The following ALPK3 variants were observed in gnomAD, a reference collection of about 807,000 sequenced individuals.
The protein encoded by ALPK3 is alpha-protein kinase 3.
ALPK3 carries 102 observed loss-of-function variants against 140.0 expected under a neutral mutation model. The observed-to-expected ratio is 0.73, with a 90% CI of 0.62 to 0.86. The LOEUF is 0.86. ALPK3 is among the 40% of genes least tolerant of loss of function. The probability of loss-of-function intolerance (pLI) is 0.00; values close to 1 mark genes in which losing one functional copy is unlikely to be tolerated. For synonymous variants in ALPK3, 938 were observed against 898.5 expected (o/e 1.04, Z -0.79); for missense variants, 2,254 against 2,208.2 (o/e 1.02, Z -0.42).
At position 84,858,393 on chromosome 15, in the gene ALPK3, A is replaced by G. The variant is rs759415341; in HGVS notation, c.3655A>G (p.Arg1219Gly). Reference protein sequence around the residue: ...GRERRSPTQGRKASMLEVPRA... With the variant: ...GRERRSPTQGGKASMLEVPRA... ...GGAGAGACGCTCCCCTACGCAGGGC[A>G]GAAAGGCGAGCATGCTGGAGGTGCC... The change falls in exon 6 of 14, where the codon AGA (arginine) becomes GGA (glycine). Residue 1219 changes from arginine to glycine, a missense_variant. By Grantham distance (125) the Arg-to-Gly change is moderately radical. This residue lies in a region of ALPK3 where 2,088 missense variants were observed against 2,022.9 expected (regional missense o/e 1.03). Coordinates refer to ENST00000258888, the MANE Select transcript of ALPK3 (RefSeq NM_020778.5). 1.3e-6 allele frequency: 2 copies of G among 1,555,008 alleles called. No individual in the cohort carries two copies. Among genetic ancestry groups the G allele is most frequent in the East Asian group, 2.4e-5 (1 of 41,780 alleles).
At chr15:84,837,797 C>A (rs1438109866) in intron 3 of ALPK3, among the ~76,000 whole-genome samples, 1 of 152,232 alleles carries the variant, frequency 6.6e-6, no homozygotes, top group Non-Finnish European at 1.5e-5. Context: ...CAATCCTGAA[C>A]ATCAACTTCC....
intron 5 of ALPK3, among the ~76,000 whole-genome samples, chr15:84,843,903 T>G (rs1348568256): frequency 6.6e-6 from 1 of 152,128 alleles, no homozygotes; most frequent in Non-Finnish European, 1.5e-5. Flanking sequence ...AAGACCAGCC[T>G]GGCCAATGTG....
intron 3 of ALPK3, among the ~76,000 whole-genome samples, chr15:84,831,809 G>A (rs954057997): frequency 2.6e-5 from 4 of 152,182 alleles, no homozygotes; most frequent in African/African-American, 4.8e-5. Context: ...TTACTGTAGG[G>A]TGACCTAGGT....
At chr15:84,821,246 T>C (rs1963419378) in intron 1 of ALPK3, among the ~76,000 whole-genome samples, 1 of 152,168 alleles carries the variant, frequency 6.6e-6, no homozygotes, top group African/African-American at 2.4e-5. Context: ...TCTCCTGACC[T>C]GACTAACAAT....
rs559661764 is a variant in ALPK3 at position 84,866,811 on chromosome 15, G to T, written c.4724-506G>T. On this transcript the variant is annotated intron_variant, in intron 12 of 13. Coordinates refer to ENST00000258888, the MANE Select transcript of ALPK3 (RefSeq NM_020778.5). ...CTCTCTTTTGTCTGGACAGACTACT[G>T]ATCTGTTCAGAGGATGAAGGTTTTA... Among the ~76,000 whole-genome samples the T allele has an allele frequency of 1.4e-4, 22 of 152,268 alleles. 1 individual carries two copies. In the South Asian group the frequency reaches 1.4e-3, roughly 10 times the overall value.
intron 5 of ALPK3, among the ~76,000 whole-genome samples, chr15:84,848,201 G>A (rs1246402051): frequency 6.6e-6 from 1 of 151,300 alleles, no homozygotes; most frequent in East Asian, 1.9e-4. Context: ...AAATATAATA[G>A]ATTATTTCAT....
chr15:84,848,452 A>G (rs886262379), intron 5 of ALPK3, among the ~76,000 whole-genome samples: 2 of 152,206 alleles, frequency 1.3e-5, no homozygotes, highest in Admixed American at 1.3e-4. Context: ...AACAACAGAA[A>G]TACTATACAA....
intron 7 of ALPK3, 128 bp from the exon 8 acceptor site, chr15:84,859,648 C>T (rs995865380): frequency 1.6e-5 from 22 of 1,394,606 alleles, no homozygotes; most frequent in African/African-American, 5.8e-5. Flanking sequence ...GCCCTGGAAT[C>T]GCGCTGCTTC....
intron 12 of ALPK3, 100 bp downstream of exon 12, chr15:84,864,765 C>T: frequency 4.0e-6 from 5 of 1,235,548 alleles, no homozygotes; most frequent in Non-Finnish European, 5.6e-6. Flanking sequence ...TACAAAGCAC[C>T]TTTGTCTTTA....
In ALPK3 at chr15:84,827,714, C is replaced by T. The variant is rs755404604; in HGVS notation, c.304+109C>T. The stretch of plus-strand genomic sequence containing the variant: ...GTGGCGGGCTGTGTGCACAAAACTA[C>T]GTGAGGTGACATTTACTTTCTGAGC... On this transcript the variant is annotated intron_variant, in intron 3 of 13. Transcript: ENST00000258888. 10 of 1,423,622 alleles carry T rather than the reference C, an allele frequency of 7.0e-6. No homozygotes were observed. The African/African-American group carries it at 7.1e-5, about 10-fold the overall frequency. The allele number at this position is 1,423,622 out of a possible 1,614,324, so 88.2% of individuals were successfully genotyped here. A position where few individuals can be genotyped will look rare whatever the true frequency, so the allele number is the denominator to read the frequency against.
chr15:84,833,520 A>G (rs2141552456), intron 3 of ALPK3, among the ~76,000 whole-genome samples: 1 of 152,252 alleles, frequency 6.6e-6, no homozygotes, highest in Middle Eastern at 3.4e-3. Context: ...TCTGGCTGAG[A>G]CTGGCCTCTC....
chr15:84,829,856 C>G (rs1471132721), intron 3 of ALPK3, among the ~76,000 whole-genome samples: 1 of 152,184 alleles, frequency 6.6e-6, no homozygotes, highest in Non-Finnish European at 1.5e-5. Context: ...AATGCTCATG[C>G]TGGGGCTTAT....
intron 10 of ALPK3, 147 bp from the exon 11 acceptor site, chr15:84,863,405 G>A: frequency 1.6e-6 from 1 of 644,030 alleles, no homozygotes; most frequent in South Asian, 2.0e-5. Flanking sequence ...AGAGTGGGGA[G>A]CAGGGAGGAG....
chr15:84,864,378 G>A, intron 11 of ALPK3, 64 bp from the exon 12 acceptor site: 1 of 1,498,798 alleles, frequency 6.7e-7, no homozygotes, highest in Non-Finnish European at 9.2e-7. Context: ...ATACAGAATT[G>A]GGTGGGAGGG....
At chr15:84,864,709 T>C (rs1181671811) in intron 12 of ALPK3, 44 bp downstream of exon 12, 1 of 1,574,342 alleles carries the variant, frequency 6.4e-7, no homozygotes, top group Admixed American at 1.7e-5. Flanking sequence ...TGCATGGATG[T>C]GAAAGCATGC....
At position 84,859,706 on chromosome 15, in the gene ALPK3, T is replaced by G. The variant is rs1464350203; in HGVS notation, c.3966-70T>G. ...TTCACAGCAGCCTCTGAGAGTGGGG[T>G]CCAAGGACGCTTAGGACCACAGTCT... On this transcript the variant is annotated intron_variant, in intron 7 of 13. Transcript: ENST00000258888. 3.3e-6 allele frequency: 5 copies of G among 1,515,144 alleles called. No homozygotes were observed. The East Asian group carries it at 9.4e-5, about 29-fold the overall frequency. 93.9% of individuals were successfully genotyped at this position (1,515,144 alleles called of 1,614,324 possible).
intron 5 of ALPK3, among the ~76,000 whole-genome samples, chr15:84,848,862 C>T (rs1963765242): frequency 6.6e-6 from 1 of 152,154 alleles, no homozygotes; most frequent in African/African-American, 2.4e-5. Flanking sequence ...AAATTACTGG[C>T]TGGGTGCAGT....
chr15:84,858,190 T>A lies in ALPK3; in HGVS notation c.3452T>A (p.Leu1151His), dbSNP rs1195526189. The change falls in exon 6 of 14, where the codon CTC becomes CAC. Residue 1151 changes from leucine to histidine, a missense_variant. Leu to His is a moderately conservative substitution (Grantham distance 99). Transcript: ENST00000258888. ...TTCCCAGGGGAGGCTCTGACAGGTCTCCCGGCAGCTACACCTGAGGAACTG... is the reference window on the plus strand; with the variant it reads ...TTCCCAGGGGAGGCTCTGACAGGTCACCCGGCAGCTACACCTGAGGAACTG... ...EKFPGEALTG[L>H]PAATPEELAL... 6.2e-7 allele frequency: 1 copy of A among 1,612,364 alleles called. No individual in the cohort carries two copies. The highest frequency in any genetic ancestry group is 8.5e-7 in the Non-Finnish European group (1 of 1,179,336).
Position 84,840,880 on chromosome 15 carries a change from G to A in ALPK3, c.1601G>A (p.Gly534Asp). ...VPTPPARRRH[G>D]TRDSTLQGQA... ...ACGCCCCCTGCCCGGCGGAGACATG[G>A]CACCCGGGACAGCACGTTGCAGGGG... Residue 534 changes from glycine to aspartate, a missense_variant, in exon 5 of 14, where the codon GGC (glycine) becomes GAC (aspartate). Coordinates refer to ENST00000258888, the MANE Select transcript of ALPK3 (RefSeq NM_020778.5). 1 of 1,613,566 alleles carries A rather than the reference G, an allele frequency of 6.2e-7. No individual in the cohort carries two copies. The highest frequency in any genetic ancestry group is 1.1e-5 in the South Asian group (1 of 90,998).
Sources: allele counts gnomAD v4.1 joint callset (sites outside exome capture counted in the v4.1 genomes callset), GRCh38; gene constraint gnomAD v4.1.1; regional missense constraint gnomAD v4.1.1; transcripts MANE v1.5; gene names NCBI Gene and HGNC (gene_info 2026-07-23, HGNC 2026-07-21).